EIF4G3: variants seen among roughly 807,000 people sequenced by gnomAD.
EIF4G3 encodes eIF-4-gamma 3.
Under a neutral mutation model 186.4 loss-of-function variants are expected in EIF4G3, and 34 were observed. That is an observed-to-expected ratio of 0.18 (90% CI 0.14 to 0.24). The LOEUF (loss-of-function observed/expected upper bound fraction) is 0.24, where lower values mean the gene tolerates loss of function less well. Ranked by LOEUF, EIF4G3 falls within the 10% of genes least tolerant of loss-of-function variation. The pLI, the probability that EIF4G3 is intolerant of heterozygous loss-of-function variation, is 1.00. For synonymous variants in EIF4G3, 673 were observed against 679.5 expected (o/e 0.99, Z 0.15); for missense variants, 1,536 against 1,948.5 (o/e 0.79, Z 3.99).
intron 4 of EIF4G3, among the ~76,000 whole-genome samples, chr1:21,011,923 C>T (rs1182476722): frequency 2.0e-5 from 3 of 152,084 alleles, no homozygotes; most frequent in East Asian, 1.9e-4. Context: ...CTTGCAATGC[C>T]ATTTTACTTG....
chr1:21,068,823 T>C (rs1236502608), intron 3 of EIF4G3, among the ~76,000 whole-genome samples: 2 of 152,142 alleles, frequency 1.3e-5, no homozygotes, highest in African/African-American at 4.8e-5. Flanking sequence ...TCTGAAAAAT[T>C]TGGAACCAGA....
chr1:21,148,819 T>C (rs1050541208), intron 2 of EIF4G3, among the ~76,000 whole-genome samples: 2 of 150,790 alleles, frequency 1.3e-5, no homozygotes, highest in African/African-American at 4.9e-5. Flanking sequence ...AAGATCCTCA[T>C]GTCAAAAAAA....
chr1:20,977,359 G>A (rs1315894644), intron 10 of EIF4G3, among the ~76,000 whole-genome samples: 2 of 151,804 alleles, frequency 1.3e-5, no homozygotes, highest in Non-Finnish European at 2.9e-5. Flanking sequence ...GCTAATTTTT[G>A]TATTTTAAGT....
chr1:21,105,735 T>C (rs569734546), intron 2 of EIF4G3, among the ~76,000 whole-genome samples: 26 of 152,244 alleles, frequency 1.7e-4, no homozygotes, highest in Admixed American at 8.5e-4. Context: ...GCATCTGGGG[T>C]ACAGGTTTTA....
chr1:21,172,486 A>C (rs1315785059), intron 2 of EIF4G3, among the ~76,000 whole-genome samples: 2 of 152,232 alleles, frequency 1.3e-5, no homozygotes, highest in Non-Finnish European at 2.9e-5. Flanking sequence ...GAATTAATGA[A>C]TTCATAAACT....
At chr1:21,013,896 A>G (rs2154570148) in intron 4 of EIF4G3, among the ~76,000 whole-genome samples, 1 of 152,310 alleles carries the variant, frequency 6.6e-6, no homozygotes, top group Middle Eastern at 3.4e-3. Context: ...TAGGCTGGGC[A>G]CAGTAGCTCA....
At chr1:20,881,139 TGAA>T (rs2082200138) in intron 19 of EIF4G3, among the ~76,000 whole-genome samples, 1 of 152,184 alleles carries the variant, frequency 6.6e-6, no homozygotes, top group Admixed American at 6.5e-5. Context: ...CATAGCTAGA[TGAA>T]GAAGAATGTA....
At position 20,920,512 on chromosome 1, in the gene EIF4G3, G is replaced by A. The variant is rs181060510; in HGVS notation, c.1664-15541C>T. On this transcript the variant is annotated intron_variant, in intron 14 of 36. Transcript: ENST00000602326. ...TAGAATAATAGAATATATTAGGCTT[G>A]TTCTCTGCTTTTAAGTGAGAAAGGT... 5.0e-4 allele frequency among the ~76,000 whole-genome samples: 76 copies of A among 152,212 alleles called. No individual in the cohort carries two copies. In the South Asian group the frequency reaches 8.7e-3, roughly 17 times the overall value.
At chr1:20,865,883 C>G (rs1321492214) in intron 20 of EIF4G3, among the ~76,000 whole-genome samples, 1 of 148,414 alleles carries the variant, frequency 6.7e-6, no homozygotes, top group African/African-American at 2.5e-5. Context: ...AAGATCCTTA[C>G]AAGGTTTCCA....
chr1:20,970,182 A>G (rs2075550640), intron 11 of EIF4G3, among the ~76,000 whole-genome samples: 1 of 152,192 alleles, frequency 6.6e-6, no homozygotes. Context: ...CCAAAATAAA[A>G]AATATAAATA....
intron 19 of EIF4G3, among the ~76,000 whole-genome samples, chr1:20,881,961 C>G (rs571127577): frequency 2.0e-5 from 3 of 151,636 alleles, no homozygotes; most frequent in African/African-American, 7.3e-5. Flanking sequence ...TCAGGGGTTT[C>G]GAGACCAGCC....
chr1:20,808,979 CT>C (rs955983586), intron 36 of EIF4G3, among the ~76,000 whole-genome samples: 125 of 145,980 alleles, frequency 8.6e-4, no homozygotes, highest in Non-Finnish European at 7.9e-4. Flanking sequence ...GTCGTATTAA[CT>C]TTTTTTTTTT....
chr1:20,963,545 T>A (rs1227227672), intron 12 of EIF4G3, among the ~76,000 whole-genome samples: 1 of 152,078 alleles, frequency 6.6e-6, no homozygotes, highest in Non-Finnish European at 1.5e-5. Context: ...CAAAGCCCCA[T>A]AGCATAGGAC....
chr1:20,814,768 TCCCC>T (rs2060064300), intron 34 of EIF4G3, among the ~76,000 whole-genome samples: 13 of 12,024 alleles, frequency 1.1e-3, no homozygotes, highest in Non-Finnish European at 1.5e-3. Context: ...CCCCTCCCCC[TCCCC>T]CTCCCCCTCC....
At chr1:20,821,945 T>A (rs2154546227) in intron 33 of EIF4G3, among the ~76,000 whole-genome samples, 1 of 152,298 alleles carries the variant, frequency 6.6e-6, no homozygotes, top group Non-Finnish European at 1.5e-5. Context: ...TAATGTGATC[T>A]TGGCTCATTG....
intron 12 of EIF4G3, among the ~76,000 whole-genome samples, chr1:20,956,693 G>C (rs1001068027): frequency 2.0e-5 from 3 of 148,892 alleles, no homozygotes; most frequent in African/African-American, 7.4e-5. Flanking sequence ...AATTTTTTGA[G>C]ACAGGGTCTC....
At chr1:21,013,370 T>C (rs1264706652) in intron 4 of EIF4G3, among the ~76,000 whole-genome samples, 4 of 152,186 alleles carry the variant, frequency 2.6e-5, no homozygotes, top group Admixed American at 2.0e-4. Flanking sequence ...TATGTATGTA[T>C]ATTTAGAGGT....
chr1:21,003,851 A>G (rs2084277592), intron 4 of EIF4G3: 1 of 332,556 alleles, frequency 3.0e-6, no homozygotes, highest in Non-Finnish European at 5.7e-6. Flanking sequence ...GGAAAGCATG[A>G]CCTAGTAAGA....
rs181209114 is a variant in EIF4G3 at position 20,911,736 on chromosome 1, G to C, written c.1664-6765C>G. 3.3e-5 allele frequency among the ~76,000 whole-genome samples: 5 copies of C among 151,860 alleles called. No individual in the cohort carries two copies. In the East Asian group the frequency reaches 9.7e-4, roughly 29 times the overall value. On this transcript the variant is annotated intron_variant, in intron 14 of 36. Transcript: ENST00000602326. ...TACTAACTTATTTATTAATCAGGTA[G>C]TCATCCAAGTAAGTTGTAAGAGTTT...
Sources: gnomAD v4.1 joint callset for allele counts (sites outside exome capture counted in the v4.1 genomes callset) on GRCh38, gnomAD v4.1.1 for gene constraint, MANE v1.5 for transcripts, NCBI Gene and HGNC (gene_info 2026-07-23, HGNC 2026-07-21) for gene names.